Variants in LHPP observed in about 807,000 individuals in gnomAD.
LHPP encodes hLHPP.
Under a neutral mutation model 30.3 loss-of-function variants are expected in LHPP, and 24 were observed. The observed-to-expected ratio is 0.79, with a 90% confidence interval of 0.57 to 1.11. The LOEUF (loss-of-function observed/expected upper bound fraction) is 1.11. Among genes scored for constraint, LHPP ranks in the 50% most tolerant of loss-of-function variants. LHPP has a pLI of 0.00. For synonymous variants in LHPP, 150 were observed against 157.1 expected, an observed-to-expected ratio of 0.95 and a Z score of 0.34; for missense variants, 356 against 367.2, an observed-to-expected ratio of 0.97 and a Z score of 0.25.
rs1041883943 is a variant in LHPP at position 124,521,811 on chromosome 10, G to A, written c.716+4540G>A. 5.3e-4 allele frequency among the ~76,000 whole-genome samples: 81 copies of A among 152,254 alleles called. 2 individuals are homozygous for A. Among genetic ancestry groups the A allele is most frequent in the African/African-American group, 1.7e-3 (72 of 41,558 alleles). Reference sequence around the variant, plus strand: ...CCTCCCACTGGTCCTGCTGTGGGACGTGCCCTCAGCCAAGGTCTTCTAGTA... The same window carrying A: ...CCTCCCACTGGTCCTGCTGTGGGACATGCCCTCAGCCAAGGTCTTCTAGTA... On this transcript the variant is annotated intron_variant, in intron 6 of 6. Coordinates refer to ENST00000368842, the MANE Select transcript of LHPP (RefSeq NM_022126.4).
chr10:124,505,183 A>C (rs1305091486), intron 5 of LHPP, among the ~76,000 whole-genome samples: 2 of 152,096 alleles, frequency 1.3e-5, no homozygotes, highest in African/African-American at 4.8e-5. Flanking sequence ...AATGCTCACT[A>C]ACGTTATTTG....
At chr10:124,562,036 G>T (rs957490150) in intron 6 of LHPP, among the ~76,000 whole-genome samples, 1 of 152,218 alleles carries the variant, frequency 6.6e-6, no homozygotes, top group Non-Finnish European at 1.5e-5. Context: ...GCCAGGTACG[G>T]TGGCTCATGC....
intron 6 of LHPP, among the ~76,000 whole-genome samples, chr10:124,554,451 C>T (rs961128859): frequency 6.6e-6 from 1 of 152,238 alleles, no homozygotes; most frequent in African/African-American, 2.4e-5. Context: ...CTGCCTTGGC[C>T]TTCCAAAATA....
chr10:124,464,596 C>G (rs1035686417), intron 1 of LHPP, among the ~76,000 whole-genome samples: 3 of 152,160 alleles, frequency 2.0e-5, no homozygotes, highest in African/African-American at 7.2e-5. Context: ...ACCTTATTCT[C>G]CATTACTCCA....
intron 6 of LHPP, among the ~76,000 whole-genome samples, chr10:124,557,272 A>C (rs370325555): frequency 3.3e-5 from 5 of 152,340 alleles, no homozygotes; most frequent in African/African-American, 1.2e-4. Context: ...CTGAGTGCTC[A>C]GTAGGCAGAC....
At chr10:124,572,284 C>T (rs1048970163) in intron 6 of LHPP, among the ~76,000 whole-genome samples, 1 of 152,110 alleles carries the variant, frequency 6.6e-6, no homozygotes, top group Non-Finnish European at 1.5e-5. Flanking sequence ...CAGTAACCGA[C>T]GGAGTGGTGG....
At chr10:124,482,994 A>G (rs1953191102) in intron 1 of LHPP, among the ~76,000 whole-genome samples, 1 of 152,148 alleles carries the variant, frequency 6.6e-6, no homozygotes, top group Admixed American at 6.5e-5. Flanking sequence ...GGCACGTAGT[A>G]GGCGCTCAGT....
intron 6 of LHPP, among the ~76,000 whole-genome samples, chr10:124,582,843 CA>C (rs973285101): frequency 8.1e-4 from 98 of 120,316 alleles, no homozygotes; most frequent in African/African-American, 1.2e-3. Context: ...TGTCTCTATT[CA>C]AAAAAAAAAA....
At chr10:124,574,675 T>A (rs56260700) in intron 6 of LHPP, among the ~76,000 whole-genome samples, 25,839 of 152,118 alleles carry the variant, frequency 0.17, 2,738 homozygotes, top group East Asian at 0.37. Flanking sequence ...AGCATCTGAT[T>A]TGGGCCCCGT....
At chr10:124,528,821 C>T (rs1432335969) in intron 6 of LHPP, among the ~76,000 whole-genome samples, 1 of 152,158 alleles carries the variant, frequency 6.6e-6, no homozygotes, top group Admixed American at 6.5e-5. Flanking sequence ...GCAGGTGTCC[C>T]CTGCCCTCTA....
chr10:124,512,314 G>C (rs925339516), intron 5 of LHPP, among the ~76,000 whole-genome samples: 2 of 152,142 alleles, frequency 1.3e-5, no homozygotes, highest in Non-Finnish European at 2.9e-5. Flanking sequence ...TCATGTTTCT[G>C]TTTCCTTTGT....
At chr10:124,467,802 G>A (rs1210830547) in intron 1 of LHPP, among the ~76,000 whole-genome samples, 3 of 151,978 alleles carry the variant, frequency 2.0e-5, no homozygotes, top group South Asian at 2.1e-4. Flanking sequence ...TGCAGCCTCC[G>A]CCTCCTGGGT....
At chr10:124,584,408 C>T (rs943914345) in intron 6 of LHPP, among the ~76,000 whole-genome samples, 5 of 151,534 alleles carry the variant, frequency 3.3e-5, no homozygotes, top group Admixed American at 2.6e-4. Flanking sequence ...TATTTCCTCA[C>T]GGTTCTGGAG....
chr10:124,506,615 C>T (rs1162688056), intron 5 of LHPP, among the ~76,000 whole-genome samples: 1 of 148,088 alleles, frequency 6.8e-6, no homozygotes, highest in Non-Finnish European at 1.5e-5. Context: ...TCAGGGAGGA[C>T]CAGCGGTGCA....
Position 124,510,413 on chromosome 10 carries a change from C to G in LHPP, c.625-6767C>G, listed in dbSNP as rs1037518857. ...CACCCAGCCGGCCCTGGCGTCCCGG[C>G]CCCCAGCCTCCGCCTCCCTCGCCGA... On this transcript the variant is annotated intron_variant, in intron 5 of 6. Transcript: ENST00000368842. The surrounding 1 kb of genome is among the most constrained non-coding windows in gnomAD (Gnocchi z 4.0). Among the ~76,000 whole-genome samples, 5 of 152,086 alleles carry G rather than the reference C, an allele frequency of 3.3e-5. No homozygotes were observed. The highest frequency in any genetic ancestry group is 2.6e-4 in the Admixed American group (4 of 15,282).
At chr10:124,468,705 C>G (rs1952634747) in intron 1 of LHPP, among the ~76,000 whole-genome samples, 1 of 152,236 alleles carries the variant, frequency 6.6e-6, no homozygotes, top group South Asian at 2.1e-4. Flanking sequence ...ACCAGCGTGC[C>G]CTTCGGCTCT....
chr10:124,544,196 G>C (rs529706489), intron 6 of LHPP, among the ~76,000 whole-genome samples: 2 of 151,518 alleles, frequency 1.3e-5, no homozygotes, highest in Admixed American at 6.6e-5. Flanking sequence ...TGCCTCACCC[G>C]GCATCACCCA....
At position 124,510,468 on chromosome 10, in the gene LHPP, C is replaced by A. The variant is rs1954270271; in HGVS notation, c.625-6712C>A. Among the ~76,000 whole-genome samples the A allele has an allele frequency of 6.6e-6, 1 of 152,138 alleles. No individual in the cohort carries two copies. Among genetic ancestry groups the A allele is most frequent in the Non-Finnish European group, 1.5e-5 (1 of 68,020 alleles). ...TTCCCGGGGCTCTGCCTGGAGGCAG[C>A]CTCGCTTTATCCCGCAGAACCTCCA... On this transcript the variant is annotated intron_variant, in intron 5 of 6. Transcript: ENST00000368842. The surrounding 1 kb of genome is among the most constrained non-coding windows in gnomAD (Gnocchi z 4.0).
rs199532916 is a variant in LHPP at position 124,492,309 on chromosome 10, T to C, written c.467+3734T>C. Among the ~76,000 whole-genome samples, 47 of 152,386 alleles carry C rather than the reference T, an allele frequency of 3.1e-4. 1 individual carries two copies. The East Asian group carries it at 4.4e-3, about 14-fold the overall frequency. On this transcript the variant is annotated intron_variant, in intron 3 of 6. Transcript: ENST00000368842. ...CAAAAAATTTCTAGTATGTTTCTCA[T>C]ATAAATAAAATGTGTCCTGTATGTA...
Sources: allele counts gnomAD v4.1 joint callset (sites outside exome capture counted in the v4.1 genomes callset), GRCh38; gene constraint gnomAD v4.1.1; non-coding constraint Gnocchi (gnomAD v3.1); transcripts MANE v1.5; gene names NCBI Gene and HGNC (gene_info 2026-07-23, HGNC 2026-07-21).